Variants in PHF14 observed in about 807,000 individuals in gnomAD.
PHF14 encodes the protein PHD finger protein 14.
PHF14 carries 55 observed loss-of-function variants against 117.9 expected under a neutral mutation model. The ratio of observed to expected loss-of-function variants is 0.47; its 90% CI spans 0.38 to 0.58. The LOEUF is 0.58. Among genes scored for constraint, PHF14 ranks in the 20% least tolerant of loss-of-function variants. The probability of loss-of-function intolerance (pLI) is 0.00; values close to 1 mark genes in which losing one functional copy is unlikely to be tolerated. For missense variants in PHF14, 978 were observed against 1,122.2 expected (o/e 0.87, Z 1.84); for synonymous variants, 409 against 368.6 (o/e 1.11, Z -1.26).
intron 4 of PHF14, among the ~76,000 whole-genome samples, chr7:11,003,578 C>G (rs1782958928): frequency 6.6e-6 from 1 of 151,984 alleles, no homozygotes; most frequent in Admixed American, 6.6e-5. Context: ...ATGAACATAT[C>G]CATCATCTCA....
At chr7:11,061,767 GT>G (rs74274151) in intron 14 of PHF14, 23 bp from the exon 15 acceptor site, 10,913 of 1,095,058 alleles carry the variant, frequency 1.0e-2, no homozygotes, top group South Asian at 0.02. Flanking sequence ...TTTGTTTTTT[GT>G]TTTTTTTTTT....
chr7:11,063,297 G>C (rs889431586), intron 16 of PHF14: 3 of 984,222 alleles, frequency 3.0e-6, no homozygotes, highest in Non-Finnish European at 3.6e-6. Flanking sequence ...AAAGTAGTAA[G>C]TAGTTCCAAG....
intron 16 of PHF14, chr7:11,107,078 T>C: frequency 2.0e-6 from 2 of 983,824 alleles, no homozygotes; most frequent in South Asian, 9.4e-5. Context: ...TTCAGTTAGG[T>C]TTTAAAAAGT....
At chr7:11,032,371 G>A (rs1262970658) in intron 7 of PHF14, among the ~76,000 whole-genome samples, 3 of 151,996 alleles carry the variant, frequency 2.0e-5, no homozygotes, top group Non-Finnish European at 2.9e-5. Context: ...GCGTAGGTAC[G>A]TTCTTCAAAT....
At chr7:10,976,751 G>A (rs1215077222) in intron 2 of PHF14, among the ~76,000 whole-genome samples, 1 of 151,312 alleles carries the variant, frequency 6.6e-6, no homozygotes, top group Non-Finnish European at 1.5e-5. Flanking sequence ...AAAAATGATA[G>A]GATGAGTTTT....
chr7:11,013,532 A>T (rs1393684295), intron 4 of PHF14, among the ~76,000 whole-genome samples: 3 of 152,146 alleles, frequency 2.0e-5, no homozygotes, highest in Non-Finnish European at 4.4e-5. Context: ...TAGGACTAAA[A>T]CTATTTTTAA....
chr7:11,148,329 C>T (rs1788609622), intron 17 of PHF14, among the ~76,000 whole-genome samples: 1 of 152,306 alleles, frequency 6.6e-6, no homozygotes, highest in African/African-American at 2.4e-5. Context: ...ATCTTATGCT[C>T]GATTTCCTGT....
chr7:11,132,757 C>G (rs534589817), intron 17 of PHF14, among the ~76,000 whole-genome samples: 2 of 151,822 alleles, frequency 1.3e-5, no homozygotes, highest in African/African-American at 4.8e-5. Context: ...ACCCCCTCAC[C>G]AACATTTGTT....
At chr7:10,980,490 G>A (rs769515447) in intron 2 of PHF14, among the ~76,000 whole-genome samples, 45 of 152,180 alleles carry the variant, frequency 3.0e-4, no homozygotes, top group Admixed American at 6.5e-4. Context: ...TTCTTGGTAG[G>A]TTGGGTTTAA....
chr7:11,116,408 G>T (rs2128344605), intron 17 of PHF14, among the ~76,000 whole-genome samples: 1 of 152,064 alleles, frequency 6.6e-6, no homozygotes, highest in Non-Finnish European at 1.5e-5. Context: ...GCCAAGGACT[G>T]GATGTAGGTA....
At chr7:11,062,977 A>G in intron 16 of PHF14, 1 of 886,250 alleles carries the variant, frequency 1.1e-6, no homozygotes, top group Non-Finnish European at 1.4e-6. Context: ...CATTTCAAAA[A>G]GAATAAACAT....
intron 17 of PHF14, among the ~76,000 whole-genome samples, chr7:11,141,548 T>A (rs1788397522): frequency 6.6e-6 from 1 of 152,054 alleles, no homozygotes; most frequent in South Asian, 2.1e-4. Flanking sequence ...TGTTTTCTCA[T>A]TGTTTTGATA....
At chr7:11,162,732 G>A (rs534028964) in intron 17 of PHF14, among the ~76,000 whole-genome samples, 2 of 144,384 alleles carry the variant, frequency 1.4e-5, no homozygotes, top group South Asian at 2.2e-4. Flanking sequence ...ATGGAGTTTC[G>A]GTCTTGTCGC....
chr7:11,004,269 AG>A (rs369355330), intron 4 of PHF14, among the ~76,000 whole-genome samples: 43 of 147,138 alleles, frequency 2.9e-4, no homozygotes, highest in Middle Eastern at 3.5e-3. Flanking sequence ...AAAAAAAAAA[AG>A]AAAAGAAAAA....
chr7:11,137,794 C>T (rs1788268920), intron 17 of PHF14, among the ~76,000 whole-genome samples: 1 of 151,604 alleles, frequency 6.6e-6, no homozygotes, highest in Non-Finnish European at 1.5e-5. Context: ...CCATGTTGTC[C>T]AGGCTGGTCT....
intron 14 of PHF14, among the ~76,000 whole-genome samples, chr7:11,059,387 C>A (rs919586171): frequency 6.6e-6 from 1 of 152,150 alleles, no homozygotes; most frequent in African/African-American, 2.4e-5. Flanking sequence ...GTATGGAAGT[C>A]TTTTGCACAT....
intron 17 of PHF14, among the ~76,000 whole-genome samples, chr7:11,153,954 T>C (rs536744730): frequency 2.2e-4 from 34 of 151,976 alleles, no homozygotes; most frequent in Non-Finnish European, 4.1e-4. Flanking sequence ...TGTGCGTGTG[T>C]GTGTGTGTGT....
At chr7:11,038,973 C>A in intron 11 of PHF14, 118 bp downstream of exon 11, 1 of 450,256 alleles carries the variant, frequency 2.2e-6, no homozygotes, top group Non-Finnish European at 4.0e-6. Flanking sequence ...TGATCAGGGC[C>A]TAATCCTTTG....
chr7:10,975,083 T>C, intron 2 of PHF14, 138 bp downstream of exon 2: 5 of 651,416 alleles, frequency 7.7e-6, no homozygotes, highest in Non-Finnish European at 1.3e-5. Context: ...CCATTTGATT[T>C]CCCATTTTGC....
Sources: gnomAD v4.1 joint callset for allele counts (sites outside exome capture counted in the v4.1 genomes callset) on GRCh38, gnomAD v4.1.1 for gene constraint, MANE v1.5 for transcripts, NCBI Gene and HGNC (gene_info 2026-07-23, HGNC 2026-07-21) for gene names.